The following TMEFF2 variants were observed in gnomAD, a reference collection of about 807,000 sequenced individuals.
TMEFF2 encodes the protein transmembrane protein with EGF like and two follistatin like domains 2.
Under a neutral mutation model 53.8 loss-of-function variants are expected in TMEFF2, and 28 were observed. The observed-to-expected ratio is 0.52, with a 90% CI of 0.39 to 0.71. The LOEUF (loss-of-function observed/expected upper bound fraction) is 0.71. TMEFF2 is among the 30% of genes least tolerant of loss of function. The pLI is 0.00. For synonymous variants in TMEFF2, 162 were observed against 166.3 expected, an observed-to-expected ratio of 0.97 and a Z score of 0.20; for missense variants, 353 against 455.2, an observed-to-expected ratio of 0.78 and a Z score of 2.04.
chr2:191,958,507 A>G (rs1472581343), intron 7 of TMEFF2, among the ~76,000 whole-genome samples: 1 of 152,166 alleles, frequency 6.6e-6, no homozygotes, highest in East Asian at 1.9e-4. Flanking sequence ...TATTTTTAAC[A>G]CTGTACCTCA....
chr2:192,164,150 C>A (rs1253960148), intron 4 of TMEFF2, among the ~76,000 whole-genome samples: 4 of 152,180 alleles, frequency 2.6e-5, no homozygotes, highest in Admixed American at 2.6e-4. Flanking sequence ...AAAGGCTTTC[C>A]ATGATGCAAT....
chr2:191,978,720 G>A (rs1221409679), intron 7 of TMEFF2, among the ~76,000 whole-genome samples: 1 of 152,176 alleles, frequency 6.6e-6, no homozygotes, highest in East Asian at 1.9e-4. Flanking sequence ...AAATTGTGGT[G>A]CAGGCACCCC....
At chr2:192,069,172 T>G (rs2105913906) in intron 4 of TMEFF2, among the ~76,000 whole-genome samples, 1 of 151,750 alleles carries the variant, frequency 6.6e-6, no homozygotes, top group Non-Finnish European at 1.5e-5. Context: ...GGTGGTAGAG[T>G]CAGTGACTCC....
At chr2:192,158,482 C>A (rs957762003) in intron 4 of TMEFF2, among the ~76,000 whole-genome samples, 1 of 152,002 alleles carries the variant, frequency 6.6e-6, no homozygotes, top group Non-Finnish European at 1.5e-5. Context: ...TAACACTATG[C>A]GATATTCAGT....
intron 5 of TMEFF2, among the ~76,000 whole-genome samples, chr2:191,999,638 G>T (rs919915612): frequency 6.6e-6 from 1 of 151,978 alleles, no homozygotes; most frequent in Admixed American, 6.6e-5. Context: ...TCAGAGGACA[G>T]TTCAGAGAAA....
At chr2:192,093,753 C>A (rs1688843538) in intron 4 of TMEFF2, among the ~76,000 whole-genome samples, 2 of 151,748 alleles carry the variant, frequency 1.3e-5, no homozygotes, top group South Asian at 4.2e-4. Context: ...AGGGTTGAAA[C>A]CCAAGGTAAA....
At chr2:192,165,099 T>C (rs1690730156) in intron 4 of TMEFF2, among the ~76,000 whole-genome samples, 1 of 151,892 alleles carries the variant, frequency 6.6e-6, no homozygotes. Context: ...CTATGACTAG[T>C]GCCGTATTTC....
intron 4 of TMEFF2, among the ~76,000 whole-genome samples, chr2:192,115,330 A>G (rs575075056): frequency 6.6e-6 from 1 of 152,056 alleles, no homozygotes; most frequent in African/African-American, 2.4e-5. Context: ...GAATACACAA[A>G]ATGGATTAAA....
chr2:192,188,815 C>T (rs1160750161), intron 2 of TMEFF2, among the ~76,000 whole-genome samples: 1 of 150,550 alleles, frequency 6.6e-6, no homozygotes. Flanking sequence ...CCCTTCCTTC[C>T]TCCCCGCTTT....
chr2:192,069,782 A>G (rs1688244021), intron 4 of TMEFF2, among the ~76,000 whole-genome samples: 1 of 151,678 alleles, frequency 6.6e-6, no homozygotes, highest in Non-Finnish European at 1.5e-5. Flanking sequence ...AAAAATTAAC[A>G]ATGCTCTATT....
At chr2:192,158,457 T>G (rs1256314785) in intron 4 of TMEFF2, among the ~76,000 whole-genome samples, 1 of 152,172 alleles carries the variant, frequency 6.6e-6, no homozygotes, top group Non-Finnish European at 1.5e-5. Context: ...TGGTATTTCC[T>G]AATAAATTTT....
At chr2:192,112,114 C>T (rs2105956368) in intron 4 of TMEFF2, among the ~76,000 whole-genome samples, 1 of 152,302 alleles carries the variant, frequency 6.6e-6, no homozygotes, top group Non-Finnish European at 1.5e-5. Flanking sequence ...CACTGGGGCA[C>T]TGCCTAGTGG....
intron 2 of TMEFF2, among the ~76,000 whole-genome samples, chr2:192,186,655 A>C (rs924014384): frequency 6.6e-6 from 1 of 152,128 alleles, no homozygotes; most frequent in Non-Finnish European, 1.5e-5. Context: ...ACTAGTTAAC[A>C]TCTCATGCTT....
intron 5 of TMEFF2, among the ~76,000 whole-genome samples, chr2:192,016,537 G>T (rs1214939489): frequency 1.3e-5 from 2 of 152,210 alleles, no homozygotes; most frequent in Non-Finnish European, 2.9e-5. Flanking sequence ...CTCAGTAGAT[G>T]AAATATGCCA....
At chr2:192,007,188 T>C (rs557008000) in intron 5 of TMEFF2, among the ~76,000 whole-genome samples, 15 of 152,322 alleles carry the variant, frequency 9.8e-5, no homozygotes, top group Non-Finnish European at 1.2e-4. Context: ...TAAAAGGCTT[T>C]ATTCATATGG....
intron 5 of TMEFF2, among the ~76,000 whole-genome samples, chr2:192,000,873 T>G (rs1346464895): frequency 6.6e-6 from 1 of 152,218 alleles, no homozygotes; most frequent in Non-Finnish European, 1.5e-5. Flanking sequence ...CTCTAAACAC[T>G]TAACTCATTG....
At chr2:191,990,763 G>GT (rs111465014) in intron 7 of TMEFF2, among the ~76,000 whole-genome samples, 2 of 134,628 alleles carry the variant, frequency 1.5e-5, no homozygotes. Context: ...CTCTTTGCGG[G>GT]GTGTGTGTGT....
At chr2:192,073,358 C>T (rs2105917676) in intron 4 of TMEFF2, among the ~76,000 whole-genome samples, 1 of 151,882 alleles carries the variant, frequency 6.6e-6, no homozygotes, top group South Asian at 2.1e-4. Context: ...CCAAGGGTGT[C>T]ACTTGTGAAA....
chr2:191,978,271 C>A (rs913677125), intron 7 of TMEFF2, among the ~76,000 whole-genome samples: 5 of 152,130 alleles, frequency 3.3e-5, no homozygotes, highest in Non-Finnish European at 5.9e-5. Flanking sequence ...GATCGGCCAG[C>A]TTTGTGGTCA....
Sources: allele counts gnomAD v4.1 joint callset (sites outside exome capture counted in the v4.1 genomes callset), GRCh38; gene constraint gnomAD v4.1.1; transcripts MANE v1.5; gene names NCBI Gene and HGNC (gene_info 2026-07-23, HGNC 2026-07-21).